Variants in ASCC3 observed in about 807,000 individuals in gnomAD.
ASCC3 encodes the protein activating signal cointegrator 1 complex subunit 3.
ASCC3 carries 158 observed loss-of-function variants against 256.3 expected under a neutral mutation model. The ratio of observed to expected loss-of-function variants is 0.62; its 90% CI spans 0.54 to 0.70. The LOEUF (loss-of-function observed/expected upper bound fraction) is 0.70, where lower values mean the gene tolerates loss of function less well. Ranked by LOEUF, ASCC3 falls within the 30% of genes least tolerant of loss-of-function variation. The pLI, the probability that ASCC3 is intolerant of heterozygous loss-of-function variation, is 0.00. For synonymous variants in ASCC3, 948 were observed against 883.4 expected (o/e 1.07, Z -1.30); for missense variants, 2,259 against 2,626.0 (o/e 0.86, Z 3.05).
intron 36 of ASCC3, among the ~76,000 whole-genome samples, chr6:100,588,783 G>A (rs1406582748): frequency 6.6e-6 from 1 of 152,078 alleles, no homozygotes; most frequent in Non-Finnish European, 1.5e-5. Context: ...GAAGCTTATT[G>A]AGAATTATAA....
intron 30 of ASCC3, among the ~76,000 whole-genome samples, chr6:100,611,108 T>C (rs1773372296): frequency 6.6e-6 from 1 of 152,166 alleles, no homozygotes; most frequent in South Asian, 2.1e-4. Flanking sequence ...TAATATTCTG[T>C]CTTTTACACC....
At chr6:100,608,387 T>C (rs1313747120) in intron 30 of ASCC3, among the ~76,000 whole-genome samples, 2 of 69,558 alleles carry the variant, frequency 2.9e-5, no homozygotes, top group Non-Finnish European at 4.9e-5. Context: ...ATATACCTTA[T>C]ATATGTATAC....
chr6:100,831,775 A>T (rs751120550), intron 4 of ASCC3, among the ~76,000 whole-genome samples: 3 of 152,188 alleles, frequency 2.0e-5, no homozygotes, highest in Non-Finnish European at 4.4e-5. Flanking sequence ...TCAATGAAAC[A>T]TAAGAAAATA....
chr6:100,867,332 T>A (rs1773528965), intron 2 of ASCC3, among the ~76,000 whole-genome samples: 1 of 152,234 alleles, frequency 6.6e-6, no homozygotes, highest in Non-Finnish European at 1.5e-5. Context: ...GCAGTCCATG[T>A]ACATTTAATT....
At chr6:100,602,028 T>A (rs1299455858) in intron 33 of ASCC3, 93 bp from the exon 34 acceptor site, 2 of 1,428,880 alleles carry the variant, frequency 1.4e-6, no homozygotes, top group South Asian at 1.3e-5. Flanking sequence ...GATTTTATGT[T>A]CTAAGATAAA....
intron 12 of ASCC3, among the ~76,000 whole-genome samples, chr6:100,716,899 T>C (rs545826840): frequency 6.6e-6 from 1 of 152,118 alleles, no homozygotes; most frequent in South Asian, 2.1e-4. Context: ...CTGCTTATCT[T>C]TTAAATTATA....
chr6:100,538,930 G>A (rs1007454269), intron 37 of ASCC3, among the ~76,000 whole-genome samples: 1 of 151,894 alleles, frequency 6.6e-6, no homozygotes, highest in East Asian at 1.9e-4. Flanking sequence ...CTTTATAATC[G>A]CAATCCTTTA....
chr6:100,759,586 GC>G (rs1225775467), intron 10 of ASCC3, among the ~76,000 whole-genome samples: 2 of 151,886 alleles, frequency 1.3e-5, no homozygotes, highest in Non-Finnish European at 2.9e-5. Context: ...AAGTCAGGTA[GC>G]ATGATGCCTC....
At chr6:100,663,309 T>C (rs1177489581) in intron 14 of ASCC3, among the ~76,000 whole-genome samples, 1 of 152,060 alleles carries the variant, frequency 6.6e-6, no homozygotes, top group African/African-American at 2.4e-5. Flanking sequence ...AAATATTAAG[T>C]AGAATATTCC....
At chr6:100,770,517 T>G (rs991148166) in intron 8 of ASCC3, among the ~76,000 whole-genome samples, 2 of 151,166 alleles carry the variant, frequency 1.3e-5, no homozygotes, top group Admixed American at 6.6e-5. Flanking sequence ...AAAAAAGAAA[T>G]AAAGTCATTA....
At chr6:100,609,998 T>C (rs1233290078) in intron 30 of ASCC3, among the ~76,000 whole-genome samples, 3 of 152,106 alleles carry the variant, frequency 2.0e-5, no homozygotes, top group Admixed American at 1.3e-4. Context: ...AGGCACAGCA[T>C]AAGGAAGTTC....
chr6:100,720,746 A>ATGGG (rs1779288477), intron 11 of ASCC3, among the ~76,000 whole-genome samples: 3 of 151,280 alleles, frequency 2.0e-5, no homozygotes, highest in Non-Finnish European at 3.0e-5. Flanking sequence ...GCAAAGTAGT[A>ATGGG]CAAAACGATA....
At chr6:100,615,664 TG>T (rs1773635072) in intron 30 of ASCC3, among the ~76,000 whole-genome samples, 1 of 152,256 alleles carries the variant, frequency 6.6e-6, no homozygotes, top group African/African-American at 2.4e-5. Context: ...TAGCAATAAT[TG>T]ATACATTTTG....
At chr6:100,836,184 T>C (rs1219682838) in intron 4 of ASCC3, among the ~76,000 whole-genome samples, 10 of 152,094 alleles carry the variant, frequency 6.6e-5, no homozygotes, top group African/African-American at 2.4e-4. Context: ...GATTGGATCA[T>C]GTTGTCTGCA....
chr6:100,588,532 T>G (rs1771824003), intron 36 of ASCC3, among the ~76,000 whole-genome samples: 1 of 152,192 alleles, frequency 6.6e-6, no homozygotes, highest in South Asian at 2.1e-4. Context: ...AAATTTTTAC[T>G]TTCTTAAAAA....
intron 1 of ASCC3, among the ~76,000 whole-genome samples, chr6:100,872,489 C>T (rs549753417): frequency 4.0e-5 from 6 of 148,724 alleles, no homozygotes; most frequent in South Asian, 2.1e-4. Flanking sequence ...TCATGGCAGA[C>T]GGGAGGCAGG....
chr6:100,804,968 A>C (rs1194258876), intron 5 of ASCC3, among the ~76,000 whole-genome samples: 1 of 152,130 alleles, frequency 6.6e-6, no homozygotes, highest in African/African-American at 2.4e-5. Flanking sequence ...TCATCACAGC[A>C]CTATTCACAA....
At chr6:100,833,715 T>C (rs1259237148) in intron 4 of ASCC3, among the ~76,000 whole-genome samples, 2 of 152,172 alleles carry the variant, frequency 1.3e-5, no homozygotes. Context: ...TTAATGCTGG[T>C]AAATGTTTGT....
intron 13 of ASCC3, among the ~76,000 whole-genome samples, chr6:100,713,996 G>C (rs1322218462): frequency 6.6e-6 from 1 of 152,070 alleles, no homozygotes; most frequent in Non-Finnish European, 1.5e-5. Context: ...ACAGCATTTT[G>C]GGATCATCAC....
Sources: gnomAD v4.1 joint callset for allele counts (sites outside exome capture counted in the v4.1 genomes callset) on GRCh38, gnomAD v4.1.1 for gene constraint, MANE v1.5 for transcripts, NCBI Gene and HGNC (gene_info 2026-07-23, HGNC 2026-07-21) for gene names.